Variants in KLHL5 observed in about 807,000 individuals in gnomAD.
KLHL5 encodes the protein kelch-like protein 5.
In KLHL5, 48 loss-of-function variants were observed where a neutral mutation model predicts 77.7. The ratio of observed to expected loss-of-function variants is 0.62; its 90% CI spans 0.49 to 0.79. The LOEUF is 0.79. KLHL5 is among the 30% of genes least tolerant of loss of function. The pLI, the probability that KLHL5 is intolerant of heterozygous loss-of-function variation, is 0.00. For missense variants in KLHL5, 723 were observed against 859.7 expected (o/e 0.84, Z 1.99); for synonymous variants, 260 against 297.0 (o/e 0.88, Z 1.28).
At chr4:39,077,180 C>T (rs533309481) in intron 2 of KLHL5, among the ~76,000 whole-genome samples, 54 of 151,990 alleles carry the variant, frequency 3.6e-4, no homozygotes, top group African/African-American at 1.3e-3. Context: ...CATATTTGGC[C>T]GGGCGCGGTG....
At chr4:39,139,767 T>G in the KLHL5 span, among the ~76,000 whole-genome samples, 1 of 152,344 alleles carries the variant, frequency 6.6e-6, no homozygotes, top group East Asian at 1.9e-4. Flanking sequence ...TAGTATCACT[T>G]CTGTGATGTT....
intron 1 of KLHL5, among the ~76,000 whole-genome samples, chr4:39,067,890 C>T (rs538067571): frequency 6.6e-6 from 1 of 152,054 alleles, no homozygotes; most frequent in East Asian, 1.9e-4. Flanking sequence ...ACCGCGTTGG[C>T]CAGGCTGGTC....
chr4:39,072,649 G>A (rs1324249200), intron 1 of KLHL5, among the ~76,000 whole-genome samples: 3 of 152,108 alleles, frequency 2.0e-5, no homozygotes, highest in African/African-American at 7.2e-5. Flanking sequence ...CTACTGTATT[G>A]GACAGCACAG....
At chr4:39,119,032 G>A (rs1723040824) in intron 10 of KLHL5, among the ~76,000 whole-genome samples, 3 of 152,124 alleles carry the variant, frequency 2.0e-5, no homozygotes, top group Admixed American at 1.3e-4. Flanking sequence ...AAATAGTTGT[G>A]AATGACACCC....
chr4:39,072,554 T>C (rs906131173), intron 1 of KLHL5, among the ~76,000 whole-genome samples: 2 of 152,176 alleles, frequency 1.3e-5, no homozygotes, highest in South Asian at 2.1e-4. Context: ...AAGAGAATAC[T>C]GAACACTTGA....
intron 1 of KLHL5, among the ~76,000 whole-genome samples, chr4:39,073,950 C>T (rs1004247252): frequency 4.5e-4 from 68 of 151,556 alleles, no homozygotes; most frequent in Admixed American, 1.4e-3. Flanking sequence ...ATAGTACCTG[C>T]GAAATCTTCA....
chr4:39,081,256 T>G lies in KLHL5; in HGVS notation c.703+17T>G. On this transcript the variant is annotated intron_variant, in intron 3 of 10. Transcript: ENST00000504108. The surrounding 1 kb of genome is among the most constrained non-coding windows in gnomAD (Gnocchi z 4.3). ...CTTATACAGGTAACGAGTCTGAAAA[T>G]GTAAATTAAAACCTCTTAGATTTAT... is the stretch of plus-strand genomic sequence containing the variant. 6.3e-7 allele frequency: 1 copy of G among 1,576,364 alleles called. No individual in the cohort carries two copies. The highest frequency in any genetic ancestry group is 8.6e-7 in the Non-Finnish European group (1 of 1,164,196).
At chr4:39,045,762 C>T (rs778089573) in intron 1 of KLHL5, among the ~76,000 whole-genome samples, 1 of 150,416 alleles carries the variant, frequency 6.6e-6, no homozygotes, top group Non-Finnish European at 1.5e-5. Flanking sequence ...AAATATTCTT[C>T]AGTAGTCGAC....
At chr4:39,113,612 C>G (rs958815414) in intron 9 of KLHL5, among the ~76,000 whole-genome samples, 1 of 152,182 alleles carries the variant, frequency 6.6e-6, no homozygotes, top group African/African-American at 2.4e-5. Flanking sequence ...CGTAAGTCAT[C>G]CCAACTGGCC....
intron 5 of KLHL5, chr4:39,093,006 ATAAT>A: frequency 2.3e-6 from 1 of 438,762 alleles, no homozygotes; most frequent in South Asian, 1.6e-5. Context: ...CTCCTAGGTA[ATAAT>A]TACCCAAGAG....
rs961431545 is a variant in KLHL5 at position 39,081,558 on chromosome 4, G to A, written c.703+319G>A. On this transcript the variant is annotated intron_variant, in intron 3 of 10. Coordinates refer to ENST00000504108, the MANE Select transcript of KLHL5 (RefSeq NM_015990.5). This position sits in a 1 kb window ranked among gnomAD's most constrained non-coding sequence, Gnocchi z 4.3. ...TTATGCCTGTAAATCCCAGCACTTC[G>A]GGAAGCCAAGGCAGGACGGATGATC... Among the ~76,000 whole-genome samples the A allele has an allele frequency of 1.3e-5, 2 of 151,890 alleles. No individual in the cohort carries two copies. Among genetic ancestry groups the A allele is most frequent in the African/African-American group, 2.4e-5 (1 of 41,338 alleles).
At chr4:39,141,304 CTTTTTTTTTT>C in the KLHL5 span, among the ~76,000 whole-genome samples, 1 of 75,626 alleles carries the variant, frequency 1.3e-5, no homozygotes, top group Non-Finnish European at 2.5e-5. Context: ...ATTTTTTAGT[CTTTTTTTTTT>C]TTTTTTTTTT....
chr4:39,098,200 A>G (rs1721238553), intron 6 of KLHL5, among the ~76,000 whole-genome samples: 2 of 151,252 alleles, frequency 1.3e-5, no homozygotes, highest in South Asian at 4.2e-4. Context: ...ATAATTTCTC[A>G]TTTTGAGGAA....
intron 1 of KLHL5, among the ~76,000 whole-genome samples, chr4:39,054,170 A>T (rs1047158557): frequency 6.6e-6 from 1 of 151,854 alleles, no homozygotes; most frequent in African/African-American, 2.4e-5. Context: ...AGTCAACTAT[A>T]CTCTCAATCT....
chr4:39,081,275 G>T lies in KLHL5; in HGVS notation c.703+36G>T. ...TGAAAATGTAAATTAAAACCTCTTA[G>T]ATTTATGTTGTATTATTAGATTTCA... is the stretch of plus-strand genomic sequence containing the variant. On this transcript the variant is annotated intron_variant, in intron 3 of 10. Transcript: ENST00000504108. The surrounding 1 kb of genome is among the most constrained non-coding windows in gnomAD (Gnocchi z 4.3). The T allele has an allele frequency of 6.5e-7, 1 of 1,529,170 alleles. No individual in the cohort carries two copies. Among genetic ancestry groups the T allele is most frequent in the South Asian group, 1.3e-5 (1 of 78,974 alleles). The allele number at this position is 1,529,170 out of a possible 1,614,324, so 94.7% of individuals were successfully genotyped here.
chr4:39,064,510 A>C (rs1717715253), intron 1 of KLHL5, among the ~76,000 whole-genome samples: 2 of 152,152 alleles, frequency 1.3e-5, no homozygotes. Context: ...ATTAGAAAAA[A>C]TAAAACATTC....
chr4:39,097,994 A>G (rs1228485810), intron 6 of KLHL5, among the ~76,000 whole-genome samples: 1 of 151,526 alleles, frequency 6.6e-6, no homozygotes, highest in Non-Finnish European at 1.5e-5. Context: ...TTAGCCCAAC[A>G]ATGGTGGTGC....
At chr4:39,137,207 G>A in the KLHL5 span, among the ~76,000 whole-genome samples, 9 of 151,928 alleles carry the variant, frequency 5.9e-5, no homozygotes, top group Admixed American at 5.9e-4. Context: ...AGAAAGATAA[G>A]TAGACAGATA....
chr4:39,096,298 C>T (rs1417071389), intron 5 of KLHL5, among the ~76,000 whole-genome samples: 3 of 151,924 alleles, frequency 2.0e-5, no homozygotes, highest in Non-Finnish European at 2.9e-5. Context: ...GTTAAGTGAA[C>T]GCAGCATAAT....
Sources: gnomAD v4.1 joint callset for allele counts (sites outside exome capture counted in the v4.1 genomes callset) on GRCh38, gnomAD v4.1.1 for gene constraint, Gnocchi (gnomAD v3.1) non-coding constraint, MANE v1.5 for transcripts, NCBI Gene and HGNC (gene_info 2026-07-23, HGNC 2026-07-21) for gene names.